The following SLC2A7 variants were observed in gnomAD, a reference collection of about 807,000 sequenced individuals.
SLC2A7 encodes solute carrier family 2, facilitated glucose transporter member 7.
In SLC2A7, 50 loss-of-function variants were observed where a neutral mutation model predicts 50.5. The ratio of observed to expected loss-of-function variants is 0.99; its 90% CI spans 0.79 to 1.25. SLC2A7 has a LOEUF of 1.25. Ranked by LOEUF, SLC2A7 falls within the 50% of genes most tolerant of loss-of-function variation. The probability of loss-of-function intolerance (pLI) is 0.00; values close to 1 mark genes in which losing one functional copy is unlikely to be tolerated. For missense variants in SLC2A7, 683 were observed against 679.1 expected (o/e 1.01, Z -0.06); for synonymous variants, 308 against 300.4 (o/e 1.03, Z -0.26).
At chr1:8,995,444 C>A in the SLC2A7 span, among the ~76,000 whole-genome samples, 1 of 145,750 alleles carries the variant, frequency 6.9e-6, no homozygotes, top group African/African-American at 2.5e-5. Context: ...CGAGACTCTG[C>A]CTCAAAAAAG....
intron 5 of SLC2A7, among the ~76,000 whole-genome samples, chr1:9,017,519 T>C (rs1640848634): frequency 6.6e-6 from 1 of 152,230 alleles, no homozygotes; most frequent in African/African-American, 2.4e-5. Flanking sequence ...TCAGTCCATT[T>C]ACGTCGGATC....
At chr1:9,024,299 TACATTGCTTG>T (rs2124269126) in intron 2 of SLC2A7, among the ~76,000 whole-genome samples, 1 of 152,330 alleles carries the variant, frequency 6.6e-6, no homozygotes, top group African/African-American at 2.4e-5. Context: ...TAAGTGATGG[TACATTGCTTG>T]ACTCGGAGGT....
chr1:9,018,674 G>A (rs1416263732), intron 4 of SLC2A7, among the ~76,000 whole-genome samples: 1 of 152,198 alleles, frequency 6.6e-6, no homozygotes, highest in Non-Finnish European at 1.5e-5. Context: ...GGGACTTAAC[G>A]ATAAAACTTT....
At chr1:9,015,268 C>A in intron 5 of SLC2A7, 26 bp from the exon 6 acceptor site, 1 of 1,556,454 alleles carries the variant, frequency 6.4e-7, no homozygotes, top group Non-Finnish European at 8.6e-7. Context: ...GACTCAGGAT[C>A]CCGGGGCCTG....
chr1:9,004,048 A>AT (rs146149179), intron 11 of SLC2A7, among the ~76,000 whole-genome samples: 249 of 151,406 alleles, frequency 1.6e-3, no homozygotes, highest in African/African-American at 5.7e-3. Flanking sequence ...TAGAAATTGG[A>AT]TTCCCCCTCA....
At chr1:9,011,283 A>G (rs566131640) in intron 8 of SLC2A7, among the ~76,000 whole-genome samples, 70 of 152,326 alleles carry the variant, frequency 4.6e-4, no homozygotes, top group Middle Eastern at 3.4e-3. Context: ...GTGAGGAACA[A>G]ACTGTCTTTC....
At chr1:9,011,657 TC>T (rs1312362951) in intron 8 of SLC2A7, among the ~76,000 whole-genome samples, 1 of 151,422 alleles carries the variant, frequency 6.6e-6, no homozygotes, top group Non-Finnish European at 1.5e-5. Context: ...CTCAGCCAGC[TC>T]CTTCTCCAAC....
chr1:9,013,038 C>G (rs949774540), intron 8 of SLC2A7, among the ~76,000 whole-genome samples: 2 of 152,048 alleles, frequency 1.3e-5, no homozygotes, highest in African/African-American at 4.8e-5. Context: ...TTACAGGTAC[C>G]CACCACCATG....
intron 3 of SLC2A7, among the ~76,000 whole-genome samples, chr1:9,021,145 G>A (rs1640907167): frequency 6.6e-6 from 1 of 152,166 alleles, no homozygotes; most frequent in South Asian, 2.1e-4. Context: ...AAGTAGCTGG[G>A]ATTACAGGCA....
In SLC2A7 at chr1:9,026,347, C is replaced by T. The variant is rs947265495; in HGVS notation, c.-2G>A. Reference sequence around the variant, plus strand: ...GGTTCCCGCCTCTTTGTTCTCCATCCTTGTTCAGGTGGGAGAACAGGTGTG... The same window carrying T: ...GGTTCCCGCCTCTTTGTTCTCCATCTTTGTTCAGGTGGGAGAACAGGTGTG... On this transcript the variant is annotated 5_prime_UTR_variant, in exon 1 of 12. Coordinates refer to ENST00000400906, the MANE Select transcript of SLC2A7 (RefSeq NM_207420.3). 2 of 1,605,312 alleles carry T rather than the reference C, an allele frequency of 1.2e-6. No homozygotes were observed. The highest frequency in any genetic ancestry group is 8.5e-7 in the Non-Finnish European group (1 of 1,175,570).
chr1:9,006,100 A>G (rs1355673020), intron 10 of SLC2A7, among the ~76,000 whole-genome samples: 1 of 152,198 alleles, frequency 6.6e-6, no homozygotes, highest in Non-Finnish European at 1.5e-5. Context: ...CCGTTCTTGG[A>G]GAAGCACCAT....
chr1:9,007,794 A>G (rs968011793), intron 9 of SLC2A7, among the ~76,000 whole-genome samples: 1 of 149,164 alleles, frequency 6.7e-6, no homozygotes, highest in Non-Finnish European at 1.5e-5. Context: ...GCTGAAGTGC[A>G]GTGGCACAGT....
Position 9,003,346 on chromosome 1 carries a change from T to A in SLC2A7, c.1493A>T (p.Asp498Val). ...KLPEEKEETI[D>V]AGPPTASPAK... ...AGGAGAGGCTGTGGGAGGCCCAGCATCAATGGTTTCTTCTTTCTCCTCTGG... is the reference window on the plus strand; with the variant it reads ...AGGAGAGGCTGTGGGAGGCCCAGCAACAATGGTTTCTTCTTTCTCCTCTGG... The change falls in exon 12 of 12, where the codon GAT becomes GTT. Residue 498 changes from aspartate to valine, a missense_variant. Physicochemically the swap from Asp to Val is radical, Grantham distance 152 (BLOSUM62 -3). Coordinates refer to ENST00000400906, the MANE Select transcript of SLC2A7 (RefSeq NM_207420.3). 1.2e-6 allele frequency: 2 copies of A among 1,614,192 alleles called. No individual in the cohort carries two copies. The highest frequency in any genetic ancestry group is 1.1e-5 in the South Asian group (1 of 91,084).
chr1:9,009,558 G>A (rs556746202), intron 9 of SLC2A7, among the ~76,000 whole-genome samples: 7 of 152,326 alleles, frequency 4.6e-5, no homozygotes, highest in Admixed American at 2.6e-4. Context: ...CCAGGCTCAG[G>A]TGATCCTCCC....
At chr1:9,011,698 C>G (rs921507306) in intron 8 of SLC2A7, among the ~76,000 whole-genome samples, 6 of 150,652 alleles carry the variant, frequency 4.0e-5, no homozygotes, top group Non-Finnish European at 8.9e-5. Flanking sequence ...TCCCTGTGAT[C>G]AGCATTCTTT....
chr1:9,013,595 A>G lies in SLC2A7; in HGVS notation c.944T>C (p.Val315Ala). The G allele has an allele frequency of 6.2e-7, 1 of 1,614,128 alleles. No individual in the cohort carries two copies. Residue 315 changes from valine (V) to alanine (A), a missense_variant, in exon 8 of 12, where the codon GTG becomes GCG. Val to Ala is a moderately conservative substitution (Grantham distance 64). Transcript: ENST00000400906. The part of the protein sequence containing the change: ...YADTIYTSAG[V>A]EAAHSQYVTV... ...TACATATTGGGAGTGAGCGGCCTCCACGCCCGCAGATGTGTAGATGGTGTC... is the reference window on the plus strand; with the variant it reads ...TACATATTGGGAGTGAGCGGCCTCCGCGCCCGCAGATGTGTAGATGGTGTC...
chr1:9,024,177 T>C (rs944178569), intron 2 of SLC2A7, among the ~76,000 whole-genome samples: 1 of 152,184 alleles, frequency 6.6e-6, no homozygotes, highest in African/African-American at 2.4e-5. Context: ...GAAATATTTT[T>C]ACTAATTGTG....
chr1:9,013,872 C>T (rs1557649676), intron 7 of SLC2A7, among the ~76,000 whole-genome samples: 1 of 152,120 alleles, frequency 6.6e-6, no homozygotes, highest in Non-Finnish European at 1.5e-5. Context: ...TCAGGTTTGG[C>T]GTCTATAAAA....
intron 4 of SLC2A7, among the ~76,000 whole-genome samples, chr1:9,018,745 A>G (rs1480985929): frequency 6.6e-6 from 1 of 152,266 alleles, no homozygotes; most frequent in Non-Finnish European, 1.5e-5. Context: ...TTTTATTCAT[A>G]GAAGAAATTA....
Sources: gnomAD v4.1 joint callset for allele counts (sites outside exome capture counted in the v4.1 genomes callset) on GRCh38, gnomAD v4.1.1 for gene constraint, MANE v1.5 for transcripts, NCBI Gene and HGNC (gene_info 2026-07-23, HGNC 2026-07-21) for gene names.